Variants in PDE4B observed in about 807,000 individuals in gnomAD.
PDE4B encodes the protein 3',5'-cyclic-AMP phosphodiesterase 4B.
In PDE4B, 20 loss-of-function variants were observed where a neutral mutation model predicts 82.2. That is an observed-to-expected ratio of 0.24 (90% CI 0.17 to 0.35). The LOEUF (loss-of-function observed/expected upper bound fraction) is 0.35. Ranked by LOEUF, PDE4B falls within the 10% of genes least tolerant of loss-of-function variation. The pLI is 1.00. For synonymous variants in PDE4B, 320 were observed against 318.9 expected (o/e 1.00, Z -0.04); for missense variants, 655 against 907.2 (o/e 0.72, Z 3.57).
chr1:65,848,893 T>C (rs1407560012), intron 1 of PDE4B, among the ~76,000 whole-genome samples: 1 of 152,148 alleles, frequency 6.6e-6, no homozygotes, highest in African/African-American at 2.4e-5. Flanking sequence ...TCTATTTCTC[T>C]TGGTATATCA....
At chr1:66,021,842 T>G (rs1653139545) in intron 3 of PDE4B, among the ~76,000 whole-genome samples, 1 of 152,244 alleles carries the variant, frequency 6.6e-6, no homozygotes, top group South Asian at 2.1e-4. Context: ...TTTCCAATTC[T>G]GTGAAGAAAG....
chr1:66,242,210 T>C (rs1652945222), intron 3 of PDE4B, among the ~76,000 whole-genome samples: 1 of 152,356 alleles, frequency 6.6e-6, no homozygotes, highest in South Asian at 2.1e-4. Context: ...CAAATGAAGC[T>C]TCACATTTTT....
chr1:65,959,932 C>A (rs745405526), intron 3 of PDE4B, among the ~76,000 whole-genome samples: 17 of 152,218 alleles, frequency 1.1e-4, no homozygotes, highest in South Asian at 4.1e-4. Context: ...TGGTCTCAAA[C>A]TCCTGGGCTC....
intron 3 of PDE4B, among the ~76,000 whole-genome samples, chr1:66,227,986 G>A (rs1309958592): frequency 1.3e-5 from 2 of 152,058 alleles, no homozygotes; most frequent in African/African-American, 2.4e-5. Flanking sequence ...GTATGAAATG[G>A]CTTCATGGTA....
chr1:66,287,981 A>AG (rs989056288), intron 7 of PDE4B, among the ~76,000 whole-genome samples: 1 of 152,124 alleles, frequency 6.6e-6, no homozygotes, highest in African/African-American at 2.4e-5. Flanking sequence ...CTCTAAAAAA[A>AG]CAAAACAAAA....
intron 3 of PDE4B, among the ~76,000 whole-genome samples, chr1:65,945,995 T>G (rs1159590508): frequency 6.6e-6 from 1 of 151,986 alleles, no homozygotes; most frequent in African/African-American, 2.4e-5. Flanking sequence ...CTTCTTTCCC[T>G]AACTACTGTT....
At chr1:66,081,807 ACT>A (rs72513051) in intron 3 of PDE4B, among the ~76,000 whole-genome samples, 4,724 of 140,796 alleles carry the variant, frequency 0.034, 112 homozygotes, top group East Asian at 0.099. Context: ...GAAAAGTAAA[ACT>A]CTCTCTCTCT....
chr1:66,020,217 A>G (rs1653013948), intron 3 of PDE4B, among the ~76,000 whole-genome samples: 1 of 152,190 alleles, frequency 6.6e-6, no homozygotes, highest in Non-Finnish European at 1.5e-5. Context: ...GGTCAGGTAC[A>G]GTAGGATTCT....
chr1:65,821,032 A>G lies in PDE4B; in HGVS notation c.-71+27784A>G, dbSNP rs530102382. Reference sequence around the variant, plus strand: ...TCATTTAGCTACTTGGAATTTTAATAAAGAATTTTACCAACCCTGGCCATA... The same window carrying G: ...TCATTTAGCTACTTGGAATTTTAATGAAGAATTTTACCAACCCTGGCCATA... On this transcript the variant is annotated intron_variant, in intron 1 of 16. Coordinates refer to ENST00000341517, the MANE Select transcript of PDE4B (RefSeq NM_002600.4). Among the ~76,000 whole-genome samples, 303 of 152,302 alleles carry G rather than the reference A, an allele frequency of 2.0e-3. 2 individuals are homozygous for G. The highest frequency in any genetic ancestry group is 6.6e-3 in the African/African-American group (274 of 41,566).
intron 1 of PDE4B, among the ~76,000 whole-genome samples, chr1:65,803,781 T>A (rs918752817): frequency 1.3e-5 from 2 of 152,214 alleles, no homozygotes; most frequent in Admixed American, 1.3e-4. Flanking sequence ...AAATCTTCAA[T>A]AAAGGCTTTT....
chr1:65,912,903 A>G (rs1311864956), intron 1 of PDE4B, among the ~76,000 whole-genome samples: 3 of 152,220 alleles, frequency 2.0e-5, no homozygotes, highest in Non-Finnish European at 4.4e-5. Flanking sequence ...GCAAGCATCA[A>G]ATAAAATATT....
chr1:66,052,019 T>A (rs1405093920), intron 3 of PDE4B, among the ~76,000 whole-genome samples: 1 of 146,856 alleles, frequency 6.8e-6, no homozygotes, highest in Admixed American at 6.8e-5. Context: ...TGGTGGGGCC[T>A]GCATTGAAGC....
At chr1:66,180,690 GA>G (rs1468195643) in intron 3 of PDE4B, among the ~76,000 whole-genome samples, 2 of 152,154 alleles carry the variant, frequency 1.3e-5, no homozygotes, top group African/African-American at 4.8e-5. Context: ...GATTTGGGCC[GA>G]CCACTGGCAG....
intron 7 of PDE4B, among the ~76,000 whole-genome samples, chr1:66,280,380 G>A (rs1656207769): frequency 1.3e-5 from 2 of 152,162 alleles, no homozygotes; most frequent in East Asian, 1.9e-4. Context: ...TGCTTTACAC[G>A]AATGCCAATC....
chr1:66,328,320 A>G (rs1436109807), intron 7 of PDE4B, among the ~76,000 whole-genome samples: 1 of 152,154 alleles, frequency 6.6e-6, no homozygotes, highest in African/African-American at 2.4e-5. Context: ...TTTGAAAGCG[A>G]AGTTCAACTG....
intron 3 of PDE4B, among the ~76,000 whole-genome samples, chr1:66,222,667 T>C (rs1651090514): frequency 1.3e-5 from 2 of 152,248 alleles, no homozygotes; most frequent in South Asian, 4.1e-4. Context: ...TCTCTGATCA[T>C]TCGTTTCCTC....
chr1:65,944,878 C>A (rs778343536), intron 3 of PDE4B, among the ~76,000 whole-genome samples: 2 of 151,844 alleles, frequency 1.3e-5, no homozygotes, highest in Admixed American at 1.3e-4. Context: ...GATAAATATA[C>A]CACTCAAAGC....
chr1:65,910,948 T>C (rs1277934401), intron 1 of PDE4B, among the ~76,000 whole-genome samples: 3 of 152,186 alleles, frequency 2.0e-5, no homozygotes, highest in Non-Finnish European at 4.4e-5. Flanking sequence ...TTTTTTGTCT[T>C]ATATAACATA....
chr1:66,272,394 T>A (rs1025304227), intron 7 of PDE4B, among the ~76,000 whole-genome samples: 1 of 152,228 alleles, frequency 6.6e-6, no homozygotes, highest in Non-Finnish European at 1.5e-5. Context: ...TCTTCAGTCC[T>A]GTACCTTCAC....
Sources: gnomAD v4.1 joint callset for allele counts (sites outside exome capture counted in the v4.1 genomes callset) on GRCh38, gnomAD v4.1.1 for gene constraint, MANE v1.5 for transcripts, NCBI Gene and HGNC (gene_info 2026-07-23, HGNC 2026-07-21) for gene names.